Variants in FMNL2 observed in about 807,000 individuals in gnomAD.
FMNL2 encodes the protein formin like 2, also known as formin-like protein 2.
A neutral mutation model predicts 130.2 loss-of-function variants in FMNL2; 51 were observed. The observed-to-expected ratio is 0.39, with a 90% CI of 0.31 to 0.49. The LOEUF is 0.49. FMNL2 is among the 20% of genes least tolerant of loss of function. The pLI, the probability that FMNL2 is intolerant of heterozygous loss-of-function variation, is 0.85. For synonymous variants in FMNL2, 465 were observed against 467.1 expected, an observed-to-expected ratio of 1.00 and a Z score of 0.06; for missense variants, 977 against 1,316.2, an observed-to-expected ratio of 0.74 and a Z score of 3.99.
intron 1 of FMNL2, among the ~76,000 whole-genome samples, chr2:152,398,376 A>G (rs563461701): frequency 7.9e-4 from 120 of 152,296 alleles, no homozygotes; most frequent in African/African-American, 2.8e-3. Context: ...ATCTAGTTCA[A>G]AGAGATGCGA....
intron 1 of FMNL2, among the ~76,000 whole-genome samples, chr2:152,411,999 C>G (rs1686312901): frequency 6.6e-6 from 1 of 152,100 alleles, no homozygotes; most frequent in Non-Finnish European, 1.5e-5. Context: ...ATAAAAGCAT[C>G]CCAAGTGTCA....
intron 17 of FMNL2, 118 bp from the exon 18 acceptor site, chr2:152,628,181 T>C: frequency 1.2e-6 from 1 of 818,990 alleles, no homozygotes; most frequent in Non-Finnish European, 2.0e-6. Context: ...GTTGATTTGG[T>C]GTTTGATGAG....
At chr2:152,482,806 A>G (rs892485756) in intron 1 of FMNL2, among the ~76,000 whole-genome samples, 3 of 152,204 alleles carry the variant, frequency 2.0e-5, no homozygotes, top group Non-Finnish European at 4.4e-5. Flanking sequence ...TTACTGGTGT[A>G]ACTGCCTGAT....
At chr2:152,556,807 A>G (rs1439986260) in intron 4 of FMNL2, among the ~76,000 whole-genome samples, 1 of 152,116 alleles carries the variant, frequency 6.6e-6, no homozygotes, top group Non-Finnish European at 1.5e-5. Flanking sequence ...TGTTTCTCTT[A>G]GCTCCTAAAT....
chr2:152,339,256 ATTC>A (rs573572082), intron 1 of FMNL2, among the ~76,000 whole-genome samples: 8 of 116,812 alleles, frequency 6.8e-5, no homozygotes, highest in Admixed American at 2.5e-4. Flanking sequence ...GCCCAAGACA[ATTC>A]TTCTTCTTCC....
At chr2:152,437,018 G>A (rs1687806286) in intron 1 of FMNL2, among the ~76,000 whole-genome samples, 1 of 152,186 alleles carries the variant, frequency 6.6e-6, no homozygotes, top group Non-Finnish European at 1.5e-5. Context: ...TCTGGTGTCT[G>A]GTGAAGGTAT....
intron 7 of FMNL2, among the ~76,000 whole-genome samples, chr2:152,576,017 T>C (rs1696458986): frequency 6.6e-6 from 1 of 152,134 alleles, no homozygotes; most frequent in Non-Finnish European, 1.5e-5. Context: ...CGTGAACTGG[T>C]AGGGTCATCA....
At chr2:152,642,774 G>A (rs1381045254) in intron 25 of FMNL2, among the ~76,000 whole-genome samples, 1 of 152,200 alleles carries the variant, frequency 6.6e-6, no homozygotes, top group African/African-American at 2.4e-5. Context: ...TTGGGAGGGT[G>A]AGGCAGGTGG....
At chr2:152,500,878 A>G (rs1401674554) in intron 1 of FMNL2, among the ~76,000 whole-genome samples, 1 of 151,160 alleles carries the variant, frequency 6.6e-6, no homozygotes, top group Non-Finnish European at 1.5e-5. Context: ...TACAGGAGTC[A>G]GTTAGGTCTC....
intron 2 of FMNL2, among the ~76,000 whole-genome samples, chr2:152,538,124 A>C (rs1047383430): frequency 7.2e-5 from 11 of 152,228 alleles, no homozygotes; most frequent in African/African-American, 2.7e-4. Context: ...GAAATATCTC[A>C]CTAAAAGATA....
At chr2:152,439,079 TTGTGTG>T (rs10539703) in intron 1 of FMNL2, among the ~76,000 whole-genome samples, 9,369 of 144,496 alleles carry the variant, frequency 0.065, 514 homozygotes, top group Admixed American at 0.21. Context: ...TTCAGTTTAA[TTGTGTG>T]TGTGTGTGTG....
At chr2:152,549,431 C>G (rs1215793645) in intron 4 of FMNL2, among the ~76,000 whole-genome samples, 1 of 152,190 alleles carries the variant, frequency 6.6e-6, no homozygotes, top group Admixed American at 6.5e-5. Flanking sequence ...TGGAAAATCT[C>G]TAAGCTTTTA....
intron 1 of FMNL2, among the ~76,000 whole-genome samples, chr2:152,493,436 T>G (rs926073416): frequency 6.6e-6 from 1 of 152,212 alleles, no homozygotes; most frequent in Admixed American, 6.5e-5. Context: ...GCTGTTAATA[T>G]GAGCGGTGTT....
intron 1 of FMNL2, among the ~76,000 whole-genome samples, chr2:152,359,228 TTA>T (rs1415381273): frequency 6.6e-6 from 1 of 152,212 alleles, no homozygotes; most frequent in East Asian, 1.9e-4. Flanking sequence ...CAGCTAATAT[TTA>T]TAGAGTCTTT....
chr2:152,467,774 G>A (rs114897785), intron 1 of FMNL2, among the ~76,000 whole-genome samples: 162 of 152,296 alleles, frequency 1.1e-3, no homozygotes, highest in African/African-American at 3.4e-3. Context: ...TCTTTCTTCC[G>A]AGAGCAGGCC....
chr2:152,575,234 T>C lies in FMNL2; in HGVS notation c.695T>C (p.Met232Thr). The change falls in exon 7 of 26, where the codon ATG becomes ACG. Residue 232 changes from methionine (M) to threonine (T), a missense_variant. This residue lies in a region of FMNL2 where 689 missense variants were observed against 995.9 expected (regional missense o/e 0.69). Coordinates refer to ENST00000288670, the MANE Select transcript of FMNL2 (RefSeq NM_052905.4). ...HVCIMCLRAI[M>T]NYQYGFNMVM... ...TGTATCATGTGTTTACGTGCCATCATGAATTATCAGGTATGTTGGAGCTTC... is the reference window on the plus strand; with the variant it reads ...TGTATCATGTGTTTACGTGCCATCACGAATTATCAGGTATGTTGGAGCTTC... 1 of 1,590,660 alleles carries C rather than the reference T, an allele frequency of 6.3e-7. No individual in the cohort carries two copies.
chr2:152,427,450 G>A (rs1277409813), intron 1 of FMNL2, among the ~76,000 whole-genome samples: 1 of 152,156 alleles, frequency 6.6e-6, no homozygotes, highest in Non-Finnish European at 1.5e-5. Flanking sequence ...GAGAGGCTGA[G>A]GCAGGAGAAT....
At chr2:152,511,096 G>A (rs573731953) in intron 1 of FMNL2, among the ~76,000 whole-genome samples, 2 of 152,206 alleles carry the variant, frequency 1.3e-5, no homozygotes, top group African/African-American at 4.8e-5. Flanking sequence ...GTCCTCTGTT[G>A]AGTGTGTGGT....
chr2:152,487,741 T>C (rs1445537460), intron 1 of FMNL2, among the ~76,000 whole-genome samples: 1 of 152,190 alleles, frequency 6.6e-6, no homozygotes, highest in Admixed American at 6.5e-5. Context: ...TTTATAGTTA[T>C]GTGTGTTTGA....
Sources: allele counts gnomAD v4.1 joint callset (sites outside exome capture counted in the v4.1 genomes callset), GRCh38; gene constraint gnomAD v4.1.1; regional missense constraint gnomAD v4.1.1; transcripts MANE v1.5; gene names NCBI Gene and HGNC (gene_info 2026-07-23, HGNC 2026-07-21).